The following PPIP5K2 variants were observed in gnomAD, a reference collection of about 807,000 sequenced individuals.
PPIP5K2 encodes inositol hexakisphosphate and diphosphoinositol-pentakisphosphate kinase 2.
A neutral mutation model predicts 154.6 loss-of-function variants in PPIP5K2; 105 were observed. The ratio of observed to expected loss-of-function variants is 0.68; its 90% CI spans 0.58 to 0.80. The LOEUF is 0.80. Among genes scored for constraint, PPIP5K2 ranks in the 30% least tolerant of loss-of-function variants. PPIP5K2 has a pLI of 0.00. For synonymous variants in PPIP5K2, 480 were observed against 490.3 expected (o/e 0.98, Z 0.28); for missense variants, 992 against 1,504.6 (o/e 0.66, Z 5.64).
At position 103,168,281 on chromosome 5, in the gene PPIP5K2, A is replaced by G. The variant is rs1797442514; in HGVS notation, c.2272A>G (p.Ile758Val). The change falls in exon 19 of 31, where the codon ATT (isoleucine) becomes GTT (valine). Residue 758 changes from isoleucine (I) to valine (V), a missense_variant. This residue lies in a region of PPIP5K2 where 157 missense variants were observed against 281.2 expected (regional missense o/e 0.56). Transcript: ENST00000358359. The stretch of plus-strand genomic sequence containing the variant: ...TAGGCTTTCGAAGGCATTAGCAGAT[A>G]TTGTTATCCCTCAGGTAAGTCATTC... ...LYRLSKALAD[I>V]VIPQEYGITK... 2 of 1,596,810 alleles carry G rather than the reference A, an allele frequency of 1.3e-6. No homozygotes were observed. The highest frequency in any genetic ancestry group is 2.7e-5 in the African/African-American group (2 of 74,238).
chr5:103,160,725 A>G lies in PPIP5K2; in HGVS notation c.1920+1397A>G, dbSNP rs75835434. On this transcript the variant is annotated intron_variant, in intron 17 of 30. Coordinates refer to ENST00000358359, the MANE Select transcript of PPIP5K2 (RefSeq NM_001276277.3). ...CCTGCAGGCTATAGTTTGTTGATCC[A>G]TGTACTACTTTATGAACATATTACA... Among the ~76,000 whole-genome samples, 800 of 152,256 alleles carry G rather than the reference A, an allele frequency of 5.3e-3. 7 individuals carry two copies. The highest frequency in any genetic ancestry group is 0.017 in the African/African-American group (714 of 41,560).
intron 5 of PPIP5K2, among the ~76,000 whole-genome samples, chr5:103,142,507 G>A (rs1792960338): frequency 6.6e-6 from 1 of 152,360 alleles, no homozygotes; most frequent in East Asian, 1.9e-4. Context: ...CGGGACGAAG[G>A]GCTCCTCAAG....
intron 23 of PPIP5K2, 79 bp from the exon 24 acceptor site, chr5:103,179,942 C>T: frequency 8.4e-7 from 1 of 1,193,168 alleles, no homozygotes; most frequent in Non-Finnish European, 1.1e-6. Flanking sequence ...GTACCTCTAC[C>T]AGTGGTAGTT....
chr5:103,135,446 C>A (rs1791313127), intron 3 of PPIP5K2, among the ~76,000 whole-genome samples: 1 of 151,896 alleles, frequency 6.6e-6, no homozygotes, highest in Non-Finnish European at 1.5e-5. Context: ...TTTTTTCCCC[C>A]TGGAGGACAG....
At chr5:103,176,167 A>G (rs1380467878) in intron 21 of PPIP5K2, among the ~76,000 whole-genome samples, 1 of 152,024 alleles carries the variant, frequency 6.6e-6, no homozygotes, top group Non-Finnish European at 1.5e-5. Flanking sequence ...CTTCTTACAT[A>G]TTAATTACGT....
chr5:103,149,093 T>C (rs1040050174), intron 7 of PPIP5K2, 59 bp from the exon 8 acceptor site: 108 of 1,173,170 alleles, frequency 9.2e-5, no homozygotes, highest in South Asian at 2.2e-4. Context: ...GTCTGTTGGT[T>C]ACACACACAC....
rs1384620053 is a variant in PPIP5K2 at position 103,147,924 on chromosome 5, T to C, written c.643-7T>C. 9.7e-6 allele frequency: 15 copies of C among 1,543,598 alleles called. No homozygotes were observed. Among genetic ancestry groups the C allele is most frequent in the African/African-American group, 2.8e-5 (2 of 71,940 alleles). ...TTTTTATATCGATGGACATCTTTTGTTTTCAGATTGGCAGTAGAAGTAGTG... is the reference window on the plus strand; with the variant it reads ...TTTTTATATCGATGGACATCTTTTGCTTTCAGATTGGCAGTAGAAGTAGTG... On this transcript the variant is annotated splice_polypyrimidine_tract_variant and splice_region_variant and intron_variant, in intron 6 of 30. Coordinates refer to ENST00000358359, the MANE Select transcript of PPIP5K2 (RefSeq NM_001276277.3).
At chr5:103,183,153 T>C in intron 24 of PPIP5K2, 81 bp from the exon 25 acceptor site, 2 of 1,171,578 alleles carry the variant, frequency 1.7e-6, no homozygotes, top group Non-Finnish European at 2.2e-6. Context: ...TTGGCTCTGT[T>C]GTATCTAACT....
chr5:103,154,403 G>A (rs908144372), intron 11 of PPIP5K2, among the ~76,000 whole-genome samples: 12 of 151,938 alleles, frequency 7.9e-5, no homozygotes, highest in Admixed American at 7.9e-4. Context: ...ATAATATTAT[G>A]AACTATAATT....
At chr5:103,156,379 A>T (rs368985344) in intron 14 of PPIP5K2, among the ~76,000 whole-genome samples, 1 of 152,170 alleles carries the variant, frequency 6.6e-6, no homozygotes, top group South Asian at 2.1e-4. Flanking sequence ...AAAATATACA[A>T]TTAACCTGTT....
chr5:103,152,425 G>T (rs1794775176), intron 9 of PPIP5K2, among the ~76,000 whole-genome samples: 1 of 151,818 alleles, frequency 6.6e-6, no homozygotes, highest in Non-Finnish European at 1.5e-5. Flanking sequence ...TAAAACTAAA[G>T]TAAATAATCT....
At chr5:103,138,883 T>A (rs570445389) in intron 5 of PPIP5K2, among the ~76,000 whole-genome samples, 3 of 152,346 alleles carry the variant, frequency 2.0e-5, no homozygotes, top group African/African-American at 7.2e-5. Flanking sequence ...ACAGCATGTG[T>A]TTGAACTGTG....
chr5:103,151,167 A>C, intron 8 of PPIP5K2, 86 bp from the exon 9 acceptor site: 1 of 1,133,132 alleles, frequency 8.8e-7, no homozygotes, highest in Non-Finnish European at 1.2e-6. Flanking sequence ...GCATTTATAA[A>C]ATTTGATATG....
intron 9 of PPIP5K2, 53 bp downstream of exon 9, chr5:103,151,427 C>T: frequency 7.2e-7 from 1 of 1,384,464 alleles, no homozygotes; most frequent in South Asian, 1.3e-5. Context: ...TATTCAGAAA[C>T]CAAATAACTG....
chr5:103,158,953 A>G (rs1396444737), intron 16 of PPIP5K2, among the ~76,000 whole-genome samples, 193 bp from the exon 17 acceptor site: 3 of 152,122 alleles, frequency 2.0e-5, no homozygotes, highest in Admixed American at 6.5e-5. Context: ...AATTTTTTTA[A>G]CCAAGGAATA....
chr5:103,174,714 G>A (rs1382412931), intron 21 of PPIP5K2, among the ~76,000 whole-genome samples: 1 of 152,042 alleles, frequency 6.6e-6, no homozygotes, highest in Non-Finnish European at 1.5e-5. Flanking sequence ...CACTTCTGCT[G>A]CGCTCTCTTG....
chr5:103,182,230 A>G (rs1486322171), intron 24 of PPIP5K2, among the ~76,000 whole-genome samples: 1 of 152,188 alleles, frequency 6.6e-6, no homozygotes, highest in Non-Finnish European at 1.5e-5. Flanking sequence ...AAAAGCCTAT[A>G]TAACACTGAA....
At chr5:103,163,080 T>C (rs1213582396) in intron 17 of PPIP5K2, among the ~76,000 whole-genome samples, 4 of 145,682 alleles carry the variant, frequency 2.7e-5, no homozygotes, top group Non-Finnish European at 4.5e-5. Context: ...GGATCCTTCT[T>C]CAAGTGTTTT....
chr5:103,158,324 G>A lies in PPIP5K2; in HGVS notation c.1615+11G>A, dbSNP rs569009528. 51 of 1,604,274 alleles carry A rather than the reference G, an allele frequency of 3.2e-5. No individual in the cohort carries two copies. The South Asian group carries it at 4.9e-4, about 16-fold the overall frequency. On this transcript the variant is annotated intron_variant, in intron 15 of 30. Transcript: ENST00000358359. Reference sequence around the variant, plus strand: ...ATCCTGGAGGTCAAGGTAAATCTTAGAGTTTTCTTTAATTTGACTAATTTC... The same window carrying A: ...ATCCTGGAGGTCAAGGTAAATCTTAAAGTTTTCTTTAATTTGACTAATTTC...
Sources: gnomAD v4.1 joint callset for allele counts (sites outside exome capture counted in the v4.1 genomes callset) on GRCh38, gnomAD v4.1.1 for gene constraint, gnomAD v4.1.1 regional missense constraint, MANE v1.5 for transcripts, NCBI Gene and HGNC (gene_info 2026-07-23, HGNC 2026-07-21) for gene names.